KIRREL3: variants seen among roughly 807,000 people sequenced by gnomAD.
KIRREL3 encodes kin of IRRE-like protein 3.
A neutral mutation model predicts 89.7 loss-of-function variants in KIRREL3; 36 were observed. The observed-to-expected ratio is 0.40, with a 90% CI of 0.31 to 0.53. KIRREL3 has a LOEUF of 0.53. KIRREL3 is among the 20% of genes least tolerant of loss of function. The probability of loss-of-function intolerance (pLI) is 0.49; values close to 1 mark genes in which losing one functional copy is unlikely to be tolerated. For synonymous variants in KIRREL3, 445 were observed against 441.4 expected, an observed-to-expected ratio of 1.01 and a Z score of -0.10; for missense variants, 864 against 1,056.6, an observed-to-expected ratio of 0.82 and a Z score of 2.53.
intron 1 of KIRREL3, among the ~76,000 whole-genome samples, chr11:126,829,498 T>A (rs1943530861): frequency 2.7e-5 from 1 of 37,568 alleles, no homozygotes; most frequent in African/African-American, 2.4e-4. Flanking sequence ...CCTGTGTGAT[T>A]TCAAGGACCT....
chr11:126,425,405 G>A (rs935222227), intron 16 of KIRREL3, among the ~76,000 whole-genome samples: 2 of 152,176 alleles, frequency 1.3e-5, no homozygotes, highest in Admixed American at 6.5e-5. Flanking sequence ...ATCTACATGT[G>A]AGGAGGCTGT....
chr11:126,627,322 A>G lies in KIRREL3; in HGVS notation c.56-64410T>C, dbSNP rs2134866536. Among the ~76,000 whole-genome samples the G allele has an allele frequency of 6.6e-6, 1 of 152,252 alleles. No homozygotes were observed. Among genetic ancestry groups the G allele is most frequent in the South Asian group, 2.1e-4 (1 of 4,826 alleles). On this transcript the variant is annotated intron_variant, in intron 1 of 16. Transcript: ENST00000525144. The surrounding 1 kb of genome is among the most constrained non-coding windows in gnomAD (Gnocchi z 5.0). ...AGACAGAGGCTGGAGCAGGTGGCCA[A>G]GGGCCTTGAAAACCATGTTGAAGCA...
intron 1 of KIRREL3, among the ~76,000 whole-genome samples, chr11:126,674,948 C>CATCAG (rs944665616): frequency 5.3e-5 from 8 of 152,062 alleles, no homozygotes; most frequent in African/African-American, 1.9e-4. Flanking sequence ...TGGTGCACCT[C>CATCAG]GTGTTAACCA....
chr11:126,754,128 T>C lies in KIRREL3; in HGVS notation c.56-191216A>G, dbSNP rs1301276877. Among the ~76,000 whole-genome samples the C allele has an allele frequency of 6.6e-6, 1 of 152,216 alleles. No homozygotes were observed. The highest frequency in any genetic ancestry group is 1.5e-5 in the Non-Finnish European group (1 of 68,040). On this transcript the variant is annotated intron_variant, in intron 1 of 16. Coordinates refer to ENST00000525144, the MANE Select transcript of KIRREL3 (RefSeq NM_032531.4). The surrounding 1 kb of genome is among the most constrained non-coding windows in gnomAD (Gnocchi z 5.1). ...GAAACTGCATAACCATTTGAATTAA[T>C]TTAATTTGAAATATCAAATTAAATT...
rs189341827 is a variant in KIRREL3, at chr11:126,451,231, A to G, written c.849-2074T>C. 6.3e-4 allele frequency among the ~76,000 whole-genome samples: 76 copies of G among 120,648 alleles called. 2 individuals are homozygous for G. In the East Asian group the frequency reaches 0.019, roughly 30 times the overall value. 79.1% of individuals were successfully genotyped at this position (120,648 alleles called of 152,430 possible). A position where few individuals can be genotyped will look rare whatever the true frequency, so the allele number is the denominator to read the frequency against. ...TGTGCATGTGTGGGTGTGTGTATGC[A>G]TGTGTACATGTGTGAGCATGTGTGC... On this transcript the variant is annotated intron_variant, in intron 7 of 16. Transcript: ENST00000525144.
chr11:126,497,474 C>T (rs1957709603), intron 4 of KIRREL3, among the ~76,000 whole-genome samples: 1 of 152,202 alleles, frequency 6.6e-6, no homozygotes, highest in Admixed American at 6.5e-5. Flanking sequence ...TCTGGTCTCC[C>T]AGTGCACCAG....
chr11:126,437,015 CG>C lies in KIRREL3; in HGVS notation c.1354-7del. 1 of 1,519,208 alleles carries C rather than the reference CG, an allele frequency of 6.6e-7. No homozygotes were observed. The highest frequency in any genetic ancestry group is 8.9e-7 in the Non-Finnish European group (1 of 1,126,448). 94.1% of individuals were successfully genotyped at this position (1,519,208 alleles called of 1,614,324 possible). A position where few individuals can be genotyped will look rare whatever the true frequency, so the allele number is the denominator to read the frequency against. On this transcript the variant is annotated splice_region_variant and splice_polypyrimidine_tract_variant and intron_variant, in intron 11 of 16. Coordinates refer to ENST00000525144, the MANE Select transcript of KIRREL3 (RefSeq NM_032531.4). ...TTCTCCTTCCAGGACCAGGCCTGCC[CG>C]GGGGCGCAGAATCAGGAGGAGACCC...
At chr11:126,538,811 C>T (rs1938130214) in intron 2 of KIRREL3, among the ~76,000 whole-genome samples, 1 of 152,168 alleles carries the variant, frequency 6.6e-6, no homozygotes, top group Admixed American at 6.5e-5. Flanking sequence ...GCTGATATGT[C>T]TTCCGCTGAG....
chr11:126,847,011 AC>A lies in KIRREL3; in HGVS notation c.55+153443del, dbSNP rs538926041. Among the ~76,000 whole-genome samples the A allele has an allele frequency of 7.9e-4, 121 of 152,312 alleles. 1 individual carries two copies. The South Asian group carries it at 0.024, about 30-fold the overall frequency. On this transcript the variant is annotated intron_variant, in intron 1 of 16. Coordinates refer to ENST00000525144, the MANE Select transcript of KIRREL3 (RefSeq NM_032531.4). ...AAACCTGCCTATAATCTGCTCTTTA[AC>A]AAAATTACAAAGGGTTATAAAAGGT...
rs1592068361 is a variant in KIRREL3 at position 126,748,797 on chromosome 11, A to C, written c.56-185885T>G. ...AAACTGTGCATGGGATCCTTTTGTA[A>C]TCTGTAGGCTTCAGTCTATCCAGTG... is the stretch of plus-strand genomic sequence containing the variant. On this transcript the variant is annotated intron_variant, in intron 1 of 16. Transcript: ENST00000525144. This position sits in a 1 kb window ranked among gnomAD's most constrained non-coding sequence, Gnocchi z 4.6. 1.3e-5 allele frequency among the ~76,000 whole-genome samples: 2 copies of C among 152,254 alleles called. No homozygotes were observed. The highest frequency in any genetic ancestry group is 6.8e-3 in the Middle Eastern group (2 of 294).
At position 126,564,056 on chromosome 11, in the gene KIRREL3, AT is replaced by A. The variant is rs1252608647; in HGVS notation, c.56-1145del. Among the ~76,000 whole-genome samples, 2 of 152,232 alleles carry A rather than the reference AT, an allele frequency of 1.3e-5. No individual in the cohort carries two copies. Among genetic ancestry groups the A allele is most frequent in the Non-Finnish European group, 1.5e-5 (1 of 68,038 alleles). ...CACAAACTTGGTAAATAGATAAGGA[AT>A]TTGATTTCTGGAAGAGGGAATATGA... On this transcript the variant is annotated intron_variant, in intron 1 of 16. Transcript: ENST00000525144. The surrounding 1 kb of genome is among the most constrained non-coding windows in gnomAD (Gnocchi z 7.4).
In KIRREL3 at chr11:126,739,379, A is replaced by G. The variant is rs1193896089; in HGVS notation, c.56-176467T>C. 6.6e-6 allele frequency among the ~76,000 whole-genome samples: 1 copy of G among 152,232 alleles called. No individual in the cohort carries two copies. The highest frequency in any genetic ancestry group is 1.5e-5 in the Non-Finnish European group (1 of 68,038). On this transcript the variant is annotated intron_variant, in intron 1 of 16. Coordinates refer to ENST00000525144, the MANE Select transcript of KIRREL3 (RefSeq NM_032531.4). This position sits in a 1 kb window ranked among gnomAD's most constrained non-coding sequence, Gnocchi z 5.5. ...GAGGCTGGGTAGACATTACTAAATT[A>G]CTTTCACTTTACAGATGGAGACACT... is the stretch of plus-strand genomic sequence containing the variant.
In KIRREL3 at chr11:126,476,329, T is replaced by C. The variant is rs1169988681; in HGVS notation, c.434-2863A>G. 1.3e-5 allele frequency among the ~76,000 whole-genome samples: 2 copies of C among 152,182 alleles called. No homozygotes were observed. Among genetic ancestry groups the C allele is most frequent in the African/African-American group, 4.8e-5 (2 of 41,446 alleles). ...GACCAGCTTTCTGGGCTCTGGACTC[T>C]GGGCTGAGGGGCAGGAGCCTCTGCT... On this transcript the variant is annotated intron_variant, in intron 4 of 16. Transcript: ENST00000525144. The surrounding 1 kb of genome is among the most constrained non-coding windows in gnomAD (Gnocchi z 6.4).
intron 7 of KIRREL3, among the ~76,000 whole-genome samples, chr11:126,453,023 C>T (rs568655091): frequency 2.6e-5 from 4 of 152,274 alleles, no homozygotes; most frequent in Admixed American, 2.6e-4. Flanking sequence ...AGTTTCTTCC[C>T]TGTCCTTCCT....
At position 126,527,957 on chromosome 11, in the gene KIRREL3, G is replaced by A. The variant is rs1958814640; in HGVS notation, c.134-1270C>T. Among the ~76,000 whole-genome samples, 1 of 152,186 alleles carries A rather than the reference G, an allele frequency of 6.6e-6. No individual in the cohort carries two copies. The highest frequency in any genetic ancestry group is 6.5e-5 in the Admixed American group (1 of 15,278). On this transcript the variant is annotated intron_variant, in intron 2 of 16. Coordinates refer to ENST00000525144, the MANE Select transcript of KIRREL3 (RefSeq NM_032531.4). The surrounding 1 kb of genome is among the most constrained non-coding windows in gnomAD (Gnocchi z 4.2). ...ACATTCGCTGAGCATCTGGCCCACAGTACAACCAGTACTTCATACAACCCC... is the reference window on the plus strand; with the variant it reads ...ACATTCGCTGAGCATCTGGCCCACAATACAACCAGTACTTCATACAACCCC...
At position 126,640,703 on chromosome 11, in the gene KIRREL3, T is replaced by A. The variant is rs1047471092; in HGVS notation, c.56-77791A>T. On this transcript the variant is annotated intron_variant, in intron 1 of 16. Transcript: ENST00000525144. The surrounding 1 kb of genome is among the most constrained non-coding windows in gnomAD (Gnocchi z 4.9). ...TTCTTTCTGAATCTGGAATGAACCA[T>A]GGGACCCTTGGGTTGAAGACTATGC... Among the ~76,000 whole-genome samples, 2 of 152,268 alleles carry A rather than the reference T, an allele frequency of 1.3e-5. No homozygotes were observed. The highest frequency in any genetic ancestry group is 3.9e-4 in the East Asian group (2 of 5,176).
chr11:126,470,078 G>A (rs983517743), intron 5 of KIRREL3, among the ~76,000 whole-genome samples: 5 of 152,370 alleles, frequency 3.3e-5, no homozygotes, highest in South Asian at 2.1e-4. Context: ...CAGGCTCTCC[G>A]AGGGGCCTTC....
At position 126,926,795 on chromosome 11, in the gene KIRREL3, T is replaced by A. The variant is rs192576282; in HGVS notation, c.55+73660A>T. Among the ~76,000 whole-genome samples, 6 of 152,000 alleles carry A rather than the reference T, an allele frequency of 3.9e-5. No homozygotes were observed. In the East Asian group the frequency reaches 1.2e-3, roughly 30 times the overall value. On this transcript the variant is annotated intron_variant, in intron 1 of 16. Coordinates refer to ENST00000525144, the MANE Select transcript of KIRREL3 (RefSeq NM_032531.4). ...AATACTAAAGAGGGCGCGGAAAAAATGAAAGCAAAGGAGAAAGATGTCTTG... is the reference window on the plus strand; with the variant it reads ...AATACTAAAGAGGGCGCGGAAAAAAAGAAAGCAAAGGAGAAAGATGTCTTG...
chr11:126,522,387 C>T lies in KIRREL3; in HGVS notation c.284-923G>A, dbSNP rs187679000. On this transcript the variant is annotated intron_variant, in intron 3 of 16. Coordinates refer to ENST00000525144, the MANE Select transcript of KIRREL3 (RefSeq NM_032531.4). The surrounding 1 kb of genome is among the most constrained non-coding windows in gnomAD (Gnocchi z 6.0). ...TGGACAGGAAGTAGAAATCTAGGCC[C>T]GCCCTTCCAGTGTCTAGGAACCTTG... Among the ~76,000 whole-genome samples, 6 of 152,116 alleles carry T rather than the reference C, an allele frequency of 3.9e-5. No individual in the cohort carries two copies. The highest frequency in any genetic ancestry group is 1.9e-4 in the East Asian group (1 of 5,190).
Sources: allele counts gnomAD v4.1 joint callset (sites outside exome capture counted in the v4.1 genomes callset), GRCh38; gene constraint gnomAD v4.1.1; non-coding constraint Gnocchi (gnomAD v3.1); transcripts MANE v1.5; gene names NCBI Gene and HGNC (gene_info 2026-07-23, HGNC 2026-07-21).